AGK: variants seen among roughly 807,000 people sequenced by gnomAD.
AGK encodes acylglycerol kinase.
AGK carries 52 observed loss-of-function variants against 66.4 expected under a neutral mutation model. The observed-to-expected ratio is 0.78, with a 90% CI of 0.63 to 0.99. AGK has a LOEUF of 0.99. AGK is among the 50% of genes least tolerant of loss of function. The pLI is 0.00. For synonymous variants in AGK, 182 were observed against 181.1 expected (o/e 1.00, Z -0.04); for missense variants, 451 against 506.6 (o/e 0.89, Z 1.05).
intron 4 of AGK, among the ~76,000 whole-genome samples, chr7:141,600,795 G>C (rs1350091499): frequency 6.6e-6 from 1 of 152,160 alleles, no homozygotes; most frequent in Non-Finnish European, 1.5e-5. Context: ...TGAATTAGTA[G>C]TTTGGTCTGC....
At position 141,600,918 on chromosome 7, in the gene AGK, C is replaced by T. The variant is rs1036346224; in HGVS notation, c.222-287C>T. Among the ~76,000 whole-genome samples the T allele has an allele frequency of 2.6e-5, 4 of 152,114 alleles. 1 individual carries two copies. The highest frequency in any genetic ancestry group is 4.1e-4 in the South Asian group (2 of 4,828). Reference sequence around the variant, plus strand: ...CCTGAATGGAACCATATCTAGTGTTCGTTCTTCCCCTAGAGGAACTACTTT... The same window carrying T: ...CCTGAATGGAACCATATCTAGTGTTTGTTCTTCCCCTAGAGGAACTACTTT... On this transcript the variant is annotated intron_variant, in intron 4 of 15. Transcript: ENST00000649286.
At chr7:141,561,889 A>T (rs746969656) in intron 2 of AGK, among the ~76,000 whole-genome samples, 4 of 152,112 alleles carry the variant, frequency 2.6e-5, no homozygotes, top group Admixed American at 6.5e-5. Flanking sequence ...CCTCCTAGGG[A>T]TGGGGCTTCC....
intron 9 of AGK, among the ~76,000 whole-genome samples, chr7:141,632,408 G>C (rs1196180990): frequency 6.6e-6 from 1 of 152,100 alleles, no homozygotes; most frequent in Non-Finnish European, 1.5e-5. Flanking sequence ...CCTCTTGGTT[G>C]CTGATGCCCC....
chr7:141,580,225 G>C (rs531509988), intron 2 of AGK, among the ~76,000 whole-genome samples: 1 of 151,934 alleles, frequency 6.6e-6, no homozygotes, highest in Non-Finnish European at 1.5e-5. Flanking sequence ...GTGAGGGCCC[G>C]AGTTAAGGCA....
At chr7:141,587,334 T>G (rs188153131) in intron 2 of AGK, among the ~76,000 whole-genome samples, 1 of 152,338 alleles carries the variant, frequency 6.6e-6, no homozygotes, top group Non-Finnish European at 1.5e-5. Flanking sequence ...GATTCAGTCT[T>G]ACCTCTGACC....
intron 13 of AGK, among the ~76,000 whole-genome samples, chr7:141,645,658 T>C (rs545082228): frequency 6.6e-6 from 1 of 152,344 alleles, no homozygotes; most frequent in East Asian, 1.9e-4. Flanking sequence ...TTGTATTTAA[T>C]GTGCTTTCTT....
intron 4 of AGK, chr7:141,599,310 T>C (rs1004127514): frequency 1.1e-4 from 17 of 152,116 alleles, no homozygotes; most frequent in Non-Finnish European, 2.5e-4. Flanking sequence ...AGAGTAATTA[T>C]TTTTTGTATG....
At chr7:141,584,269 T>C (rs1165758536) in intron 2 of AGK, among the ~76,000 whole-genome samples, 7 of 152,082 alleles carry the variant, frequency 4.6e-5, no homozygotes, top group Non-Finnish European at 7.4e-5. Context: ...GGGGGAGCTT[T>C]TGAGCCAAGA....
rs1562956661 is a variant in AGK at position 141,555,575 on chromosome 7, T to C, written c.101+8T>C. 1 of 1,605,146 alleles carries C rather than the reference T, an allele frequency of 6.2e-7. No individual in the cohort carries two copies. ...GCTCTATGGAAAACACTGGTAACTA[T>C]CTGACAGCCCCATCCCACCTTTGCA... On this transcript the variant is annotated splice_region_variant and intron_variant, in intron 2 of 15. Coordinates refer to ENST00000649286, the MANE Select transcript of AGK (RefSeq NM_018238.4). This position sits in a 1 kb window ranked among gnomAD's most constrained non-coding sequence, Gnocchi z 4.2.
rs767693447 is a variant in AGK, at chr7:141,614,223, T to A, written c.423+45T>A. ...TGCATTTTAACTTTTATTTTTCTGT[T>A]CTTTTTTATTGCTTTTCTTTCTTTT... On this transcript the variant is annotated intron_variant, in intron 7 of 15. Transcript: ENST00000649286. 7.3e-6 allele frequency: 10 copies of A among 1,360,568 alleles called. No individual in the cohort carries two copies. In the African/African-American group the frequency reaches 1.2e-4, roughly 16 times the overall value. The allele number at this position is 1,360,568 out of a possible 1,614,324, so 84.3% of individuals were successfully genotyped here.
intron 10 of AGK, among the ~76,000 whole-genome samples, chr7:141,635,688 C>A (rs914545925): frequency 6.6e-6 from 1 of 152,098 alleles, no homozygotes; most frequent in East Asian, 1.9e-4. Flanking sequence ...TATCCTATTT[C>A]CCATACTCTA....
chr7:141,570,295 CAGA>C (rs368242521), intron 2 of AGK, among the ~76,000 whole-genome samples: 2,642 of 151,946 alleles, frequency 0.017, 36 homozygotes, highest in South Asian at 0.057. Flanking sequence ...GCTGAGGCAG[CAGA>C]ATCACTTCAA....
chr7:141,618,568 T>C (rs1019038522), intron 8 of AGK, among the ~76,000 whole-genome samples: 1 of 152,204 alleles, frequency 6.6e-6, no homozygotes, highest in Non-Finnish European at 1.5e-5. Context: ...CTAGATTCTA[T>C]AATTAAAACA....
intron 13 of AGK, among the ~76,000 whole-genome samples, chr7:141,645,407 TA>T (rs1273341289): frequency 6.6e-6 from 1 of 152,190 alleles, no homozygotes; most frequent in East Asian, 1.9e-4. Flanking sequence ...ATTAAATTAT[TA>T]TTAATTATTC....
At chr7:141,583,237 C>T (rs534817851) in intron 2 of AGK, among the ~76,000 whole-genome samples, 15 of 151,730 alleles carry the variant, frequency 9.9e-5, no homozygotes, top group Admixed American at 5.9e-4. Flanking sequence ...GAGTTGAAGA[C>T]GTTTTAAGTT....
chr7:141,651,452 A>T (rs1797554266), intron 14 of AGK, 73 bp from the exon 15 acceptor site: 1 of 1,221,108 alleles, frequency 8.2e-7, no homozygotes, highest in Non-Finnish European at 1.2e-6. Flanking sequence ...AGGGGGAAAG[A>T]AGTTGCTACA....
chr7:141,647,953 G>A (rs1797457668), intron 13 of AGK, among the ~76,000 whole-genome samples: 1 of 152,178 alleles, frequency 6.6e-6, no homozygotes, highest in South Asian at 2.1e-4. Context: ...TCACAGGCGT[G>A]AGCCACCGCG....
chr7:141,596,438 T>C, intron 3 of AGK, 124 bp from the exon 4 acceptor site: 1 of 740,142 alleles, frequency 1.4e-6, no homozygotes, highest in South Asian at 1.8e-5. Flanking sequence ...CATGAAAGAA[T>C]ATTTTTCCCC....
chr7:141,620,777 C>T (rs542193889), intron 8 of AGK, among the ~76,000 whole-genome samples: 56 of 152,302 alleles, frequency 3.7e-4, no homozygotes, highest in Middle Eastern at 3.4e-3. Context: ...GAAAAATCGC[C>T]TTATACTTCT....
Sources: gnomAD v4.1 joint callset for allele counts (sites outside exome capture counted in the v4.1 genomes callset) on GRCh38, gnomAD v4.1.1 for gene constraint, Gnocchi (gnomAD v3.1) non-coding constraint, MANE v1.5 for transcripts, NCBI Gene and HGNC (gene_info 2026-07-23, HGNC 2026-07-21) for gene names.